The following VPS4A variants were observed in gnomAD, a reference collection of about 807,000 sequenced individuals.
VPS4A encodes the protein vacuolar protein sorting-associated protein 4A.
Under a neutral mutation model 52.3 loss-of-function variants are expected in VPS4A, and 20 were observed. The ratio of observed to expected loss-of-function variants is 0.38; its 90% CI spans 0.27 to 0.56. The LOEUF is 0.56. Ranked by LOEUF, VPS4A falls within the 20% of genes least tolerant of loss-of-function variation. VPS4A has a pLI of 0.72. For missense variants in VPS4A, 419 were observed against 575.9 expected, an observed-to-expected ratio of 0.73 and a Z score of 2.79; for synonymous variants, 293 against 227.7, an observed-to-expected ratio of 1.29 and a Z score of -2.58.
In VPS4A at chr16:69,320,863, C is replaced by G; in HGVS notation, c.851+94C>G. On this transcript the variant is annotated intron_variant, in intron 8 of 10. Transcript: ENST00000254950. The surrounding 1 kb of genome is among the most constrained non-coding windows in gnomAD (Gnocchi z 4.2). Reference sequence around the variant, plus strand: ...TGGCAGCCCGGGTGCAGCCTGGCCCCTTTTCCCTGGAGTCTTCCCGTCTGC... The same window carrying G: ...TGGCAGCCCGGGTGCAGCCTGGCCCGTTTTCCCTGGAGTCTTCCCGTCTGC... 7.3e-7 allele frequency: 1 copy of G among 1,368,282 alleles called. No homozygotes were observed. The highest frequency in any genetic ancestry group is 1.0e-6 in the Non-Finnish European group (1 of 989,396). The allele number at this position is 1,368,282 out of a possible 1,614,324, so 84.8% of individuals were successfully genotyped here.
At chr16:69,317,429 G>A (rs1214386385) in intron 3 of VPS4A, among the ~76,000 whole-genome samples, 9 of 152,018 alleles carry the variant, frequency 5.9e-5, no homozygotes, top group South Asian at 2.1e-4. Context: ...AGGCCAACGC[G>A]GGCAGATCAC....
rs1965559632 is a variant in VPS4A, at chr16:69,324,539, C to G, written c.*230C>G. 2 of 533,862 alleles carry G rather than the reference C, an allele frequency of 3.7e-6. No homozygotes were observed. Among genetic ancestry groups the G allele is most frequent in the East Asian group, 3.1e-5 (1 of 32,354 alleles). 33.1% of individuals were successfully genotyped at this position (533,862 alleles called of 1,614,324 possible). A position where few individuals can be genotyped will look rare whatever the true frequency, so the allele number is the denominator to read the frequency against. ...CACTGCTCTTCCTACTTCCTCCTCT[C>G]CTGGATGCTCATCAGCTCCTTCTGC... On this transcript the variant is annotated 3_prime_UTR_variant, in exon 11 of 11. Coordinates refer to ENST00000254950, the MANE Select transcript of VPS4A (RefSeq NM_013245.3).
At position 69,320,958 on chromosome 16, in the gene VPS4A, T is replaced by C; in HGVS notation, c.852-93T>C. On this transcript the variant is annotated intron_variant, in intron 8 of 10. Transcript: ENST00000254950. The surrounding 1 kb of genome is among the most constrained non-coding windows in gnomAD (Gnocchi z 4.2). Reference sequence around the variant, plus strand: ...CCGCCAGCATCACTGGCCCATGAAATGCGTCCGTTTCACTCAAATCTTCGT... The same window carrying C: ...CCGCCAGCATCACTGGCCCATGAAACGCGTCCGTTTCACTCAAATCTTCGT... 7 of 1,355,654 alleles carry C rather than the reference T, an allele frequency of 5.2e-6. No homozygotes were observed. The highest frequency in any genetic ancestry group is 4.3e-5 in the African/African-American group (3 of 69,262). 84.0% of individuals were successfully genotyped at this position (1,355,654 alleles called of 1,614,324 possible).
At position 69,320,005 on chromosome 16, in the gene VPS4A, C is replaced by G. The variant is rs1296653566; in HGVS notation, c.621-136C>G. 1 of 1,240,294 alleles carries G rather than the reference C, an allele frequency of 8.1e-7. No homozygotes were observed. Among genetic ancestry groups the G allele is most frequent in the Admixed American group, 2.6e-5 (1 of 39,028 alleles). 76.8% of individuals were successfully genotyped at this position (1,240,294 alleles called of 1,614,324 possible). ...GCAGTGTGGCCCGAGGGCTCCTCAC[C>G]ACCACGTTTTCCGCAATTCCGGCAT... On this transcript the variant is annotated intron_variant, in intron 6 of 10. Transcript: ENST00000254950. This position sits in a 1 kb window ranked among gnomAD's most constrained non-coding sequence, Gnocchi z 4.2.
chr16:69,323,707 C>T (rs1023149301), intron 10 of VPS4A: 3 of 454,188 alleles, frequency 6.6e-6, no homozygotes, highest in Admixed American at 2.4e-5. Flanking sequence ...CCCAGCACTT[C>T]GGGAGGCCGA....
Position 69,324,706 on chromosome 16 carries a change from A to ACCCAGACCTCCAGACAGCC in VPS4A, c.*398_*416dup, listed in dbSNP as rs753910724. 536 of 212,380 alleles carry ACCCAGACCTCCAGACAGCC rather than the reference A, an allele frequency of 2.5e-3. No individual in the cohort carries two copies. Among genetic ancestry groups the ACCCAGACCTCCAGACAGCC allele is most frequent in the Non-Finnish European group, 3.9e-3 (398 of 101,496 alleles). 13.2% of individuals were successfully genotyped at this position (212,380 alleles called of 1,614,324 possible). ...GGAGAAGCAGCCGTGCTGCCAGGTC[A>ACCCAGACCTCCAGACAGCC]CCCAGACCTCCAGACAGCCGGCTAG... On this transcript the variant is annotated 3_prime_UTR_variant, in exon 11 of 11. Coordinates refer to ENST00000254950, the MANE Select transcript of VPS4A (RefSeq NM_013245.3).
Position 69,322,510 on chromosome 16 carries a change from C to T in VPS4A, c.1072-50C>T. 4 of 1,564,928 alleles carry T rather than the reference C, an allele frequency of 2.6e-6. 1 individual carries two copies. The highest frequency in any genetic ancestry group is 3.5e-6 in the Non-Finnish European group (4 of 1,153,208). ...TCCTTAGAGACCGGAGGGGTCGAGC[C>T]CCTCTGACACTGAGGGGCAGCTGCC... On this transcript the variant is annotated intron_variant, in intron 9 of 10. Coordinates refer to ENST00000254950, the MANE Select transcript of VPS4A (RefSeq NM_013245.3).
chr16:69,322,402 T>A, intron 9 of VPS4A, 158 bp from the exon 10 acceptor site: 1 of 661,952 alleles, frequency 1.5e-6, no homozygotes, highest in Non-Finnish European at 2.4e-6. Flanking sequence ...AAATCATGAG[T>A]CGCTCGGACC....
At chr16:69,316,194 C>T in intron 2 of VPS4A, 31 bp from the exon 3 acceptor site, 1 of 1,612,916 alleles carries the variant, frequency 6.2e-7, no homozygotes, top group Non-Finnish European at 8.5e-7. Context: ...GCACGAGCCT[C>T]ACAGGGGCCC....
intron 9 of VPS4A, chr16:69,322,075 T>TC: frequency 6.1e-6 from 1 of 163,164 alleles, no homozygotes; most frequent in Non-Finnish European, 1.3e-5. Flanking sequence ...CAAAGGCACT[T>TC]CTTACATGCT....
intron 10 of VPS4A, among the ~76,000 whole-genome samples, chr16:69,323,944 CAAAAAAAAAAA>C (rs373024058): frequency 3.0e-5 from 3 of 99,530 alleles, no homozygotes; most frequent in Non-Finnish European, 6.1e-5. Flanking sequence ...ACTCCGTCTC[CAAAAAAAAAAA>C]AAAAAAAAAA....
intron 1 of VPS4A, among the ~76,000 whole-genome samples, chr16:69,314,178 G>C (rs28413815): frequency 0.021 from 3,217 of 151,922 alleles, 119 homozygotes; most frequent in African/African-American, 0.073. Flanking sequence ...TGTTAGCCAG[G>C]ATGGTCTCAA....
chr16:69,311,598 G>A (rs771557335), intron 1 of VPS4A, 66 bp downstream of exon 1: 19 of 1,229,866 alleles, frequency 1.5e-5, no homozygotes, highest in Non-Finnish European at 1.9e-5. Flanking sequence ...CCGCAGAGCC[G>A]GGCGGCGGGC....
intron 5 of VPS4A, among the ~76,000 whole-genome samples, chr16:69,319,169 G>A (rs894650341): frequency 6.7e-6 from 1 of 150,200 alleles, no homozygotes; most frequent in African/African-American, 2.5e-5. Context: ...CGGTGTCACT[G>A]TGCAAGGTCA....
rs1965491315 is a variant in VPS4A, at chr16:69,320,021, A to G, written c.621-120A>G. 7.3e-7 allele frequency: 1 copy of G among 1,378,032 alleles called. No individual in the cohort carries two copies. The highest frequency in any genetic ancestry group is 1.4e-5 in the South Asian group (1 of 69,448). 85.4% of individuals were successfully genotyped at this position (1,378,032 alleles called of 1,614,324 possible). A position where few individuals can be genotyped will look rare whatever the true frequency, so the allele number is the denominator to read the frequency against. On this transcript the variant is annotated intron_variant, in intron 6 of 10. Transcript: ENST00000254950. The surrounding 1 kb of genome is among the most constrained non-coding windows in gnomAD (Gnocchi z 4.2). ...GCTCCTCACCACCACGTTTTCCGCA[A>G]TTCCGGCATGACCGTGGCCTGCGCC...
chr16:69,320,828 C>A lies in VPS4A; in HGVS notation c.851+59C>A. The A allele has an allele frequency of 2.0e-6, 3 of 1,521,252 alleles. No homozygotes were observed. The highest frequency in any genetic ancestry group is 2.4e-5 in the South Asian group (2 of 83,622). The allele number at this position is 1,521,252 out of a possible 1,614,324, so 94.2% of individuals were successfully genotyped here. ...GCTTCCTCCCACCATGGTCACGGTC[C>A]GCCTGCTGCTGGCAGCCCGGGTGCA... On this transcript the variant is annotated intron_variant, in intron 8 of 10. Coordinates refer to ENST00000254950, the MANE Select transcript of VPS4A (RefSeq NM_013245.3). The surrounding 1 kb of genome is among the most constrained non-coding windows in gnomAD (Gnocchi z 4.2).
rs373089255 is a variant in VPS4A, at chr16:69,324,566, T to TC, written c.*264dup. 6.2e-5 allele frequency: 27 copies of TC among 435,678 alleles called. No homozygotes were observed. Among genetic ancestry groups the TC allele is most frequent in the East Asian group, 1.5e-4 (4 of 26,658 alleles). 27.0% of individuals were successfully genotyped at this position (435,678 alleles called of 1,614,324 possible). ...TGGATGCTCATCAGCTCCTTCTGCC[T>TC]CCCCCCCTTTTTTTTCCATCTTTTG... is the stretch of plus-strand genomic sequence containing the variant. On this transcript the variant is annotated 3_prime_UTR_variant, in exon 11 of 11. Transcript: ENST00000254950.
At chr16:69,323,686 C>T (rs1405891095) in intron 10 of VPS4A, 1 of 455,418 alleles carries the variant, frequency 2.2e-6, no homozygotes, top group South Asian at 1.6e-5. Flanking sequence ...GCCGTGGCTC[C>T]CGCCTGTAAT....
At chr16:69,323,602 C>G (rs147435747) in intron 10 of VPS4A, 4 of 455,776 alleles carry the variant, frequency 8.8e-6, no homozygotes, top group Non-Finnish European at 1.8e-5. Flanking sequence ...TAGCCTGGCC[C>G]GTGCCATCCT....
Sources: gnomAD v4.1 joint callset for allele counts (sites outside exome capture counted in the v4.1 genomes callset) on GRCh38, gnomAD v4.1.1 for gene constraint, Gnocchi (gnomAD v3.1) non-coding constraint, MANE v1.5 for transcripts, NCBI Gene and HGNC (gene_info 2026-07-23, HGNC 2026-07-21) for gene names.